The following KANSL1 variants were observed in gnomAD, a reference collection of about 807,000 sequenced individuals.
KANSL1 encodes MLL1/MLL complex subunit KANSL1.
In KANSL1, 22 loss-of-function variants were observed where a neutral mutation model predicts 103.6. The ratio of observed to expected loss-of-function variants is 0.21; its 90% CI spans 0.15 to 0.30. The LOEUF is 0.30. Among genes scored for constraint, KANSL1 ranks in the 10% least tolerant of loss-of-function variants. The pLI, the probability that KANSL1 is intolerant of heterozygous loss-of-function variation, is 1.00. For missense variants in KANSL1, 1,337 were observed against 1,399.8 expected (o/e 0.96, Z 0.72); for synonymous variants, 600 against 527.6 (o/e 1.14, Z -1.88).
At chr17:46,052,814 A>AT (rs1174081401) in intron 6 of KANSL1, among the ~76,000 whole-genome samples, 18 of 142,408 alleles carry the variant, frequency 1.3e-4, no homozygotes, top group Non-Finnish European at 2.2e-4. Flanking sequence ...AAAAAAAAAA[A>AT]TTTAGCCCAG....
At chr17:46,073,038 T>C (rs1460934294) in intron 4 of KANSL1, among the ~76,000 whole-genome samples, 1 of 152,230 alleles carries the variant, frequency 6.6e-6, no homozygotes, top group Non-Finnish European at 1.5e-5. Context: ...GGTCAAATAT[T>C]TCTTGGCCAA....
intron 2 of KANSL1, among the ~76,000 whole-genome samples, chr17:46,136,834 C>A (rs1425928568): frequency 6.6e-6 from 1 of 152,200 alleles, no homozygotes; most frequent in Non-Finnish European, 1.5e-5. Flanking sequence ...AATTTAACTG[C>A]CATTATGAAC....
chr17:46,169,497 A>G (rs929045526), intron 2 of KANSL1: 1 of 152,258 alleles, frequency 6.6e-6, no homozygotes, highest in African/African-American at 2.4e-5. Context: ...TAGCTGTCTC[A>G]ACAACCAAAC....
At chr17:46,184,573 C>T (rs956438884) in intron 1 of KANSL1, among the ~76,000 whole-genome samples, 3 of 152,162 alleles carry the variant, frequency 2.0e-5, no homozygotes, top group African/African-American at 7.2e-5. Context: ...TTACATTAGA[C>T]CTCATCTCCA....
chr17:46,089,057 C>T (rs2079274753), intron 3 of KANSL1, among the ~76,000 whole-genome samples: 1 of 152,212 alleles, frequency 6.6e-6, no homozygotes, highest in Non-Finnish European at 1.5e-5. Context: ...CTGCCTTTTA[C>T]AAGCCTCTGA....
At position 46,141,436 on chromosome 17, in the gene KANSL1, T is replaced by C. The variant is rs559866237; in HGVS notation, c.1289+29419A>G. Reference sequence around the variant, plus strand: ...GTCTACACATCTAAATCAACTTCACTGGGGGAGCATAGGGGCTGCTTAAGG... The same window carrying C: ...GTCTACACATCTAAATCAACTTCACCGGGGGAGCATAGGGGCTGCTTAAGG... On this transcript the variant is annotated intron_variant, in intron 2 of 14. Coordinates refer to ENST00000432791, the MANE Select transcript of KANSL1 (RefSeq NM_015443.4). 7.2e-5 allele frequency among the ~76,000 whole-genome samples: 11 copies of C among 152,340 alleles called. No individual in the cohort carries two copies. The East Asian group carries it at 2.1e-3, about 29-fold the overall frequency.
At chr17:46,115,655 A>C (rs1212592183) in intron 2 of KANSL1, among the ~76,000 whole-genome samples, 1 of 152,232 alleles carries the variant, frequency 6.6e-6, no homozygotes, top group Non-Finnish European at 1.5e-5. Flanking sequence ...TGAATGAAAA[A>C]CAGTTTATTT....
chr17:46,072,608 T>C (rs997186003), intron 4 of KANSL1, among the ~76,000 whole-genome samples: 2 of 152,134 alleles, frequency 1.3e-5, no homozygotes, highest in African/African-American at 4.8e-5. Context: ...CTATAAATAG[T>C]ATACTAGCCA....
rs1050631344 is a variant in KANSL1, at chr17:46,169,434, T to C, written c.1289+1421A>G. On this transcript the variant is annotated intron_variant, in intron 2 of 14. Transcript: ENST00000432791. The stretch of plus-strand genomic sequence containing the variant: ...AGTTTCATTTCAGATACAATATCCA[T>C]GCAGATAATATAAACAAAATTGGGA... 5 of 152,374 alleles carry C rather than the reference T, an allele frequency of 3.3e-5. No individual in the cohort carries two copies. In the East Asian group the frequency reaches 9.6e-4, roughly 29 times the overall value. The allele number at this position is 152,374 out of a possible 1,614,324, so 9.4% of individuals were successfully genotyped here. A position where few individuals can be genotyped will look rare whatever the true frequency, so the allele number is the denominator to read the frequency against.
At chr17:46,141,592 G>A (rs1385284472) in intron 2 of KANSL1, among the ~76,000 whole-genome samples, 1 of 152,200 alleles carries the variant, frequency 6.6e-6, no homozygotes, top group Admixed American at 6.5e-5. Context: ...AAGACAATCA[G>A]AGAGTGTATA....
intron 4 of KANSL1, among the ~76,000 whole-genome samples, chr17:46,079,998 A>G (rs1056476583): frequency 1.3e-5 from 2 of 151,918 alleles, no homozygotes; most frequent in Non-Finnish European, 2.9e-5. Flanking sequence ...AGAAAGAGAG[A>G]AAAAGAAGAG....
In KANSL1 at chr17:46,033,451, C is replaced by T; in HGVS notation, c.2676G>A (p.Glu892=). ...YKEILTPSWR[E]VDLQSLKGSP... ...TCCCCTTCAGAGACTGAAGATCAAC[C>T]TCCCGCCAGCTGCAAAACCAAGAAC... The change falls in exon 12 of 15, where the codon GAG becomes GAA. Residue 892 remains glutamate (E), a synonymous_variant. Coordinates refer to ENST00000432791, the MANE Select transcript of KANSL1 (RefSeq NM_015443.4). The T allele has an allele frequency of 1.9e-6, 3 of 1,614,170 alleles. No homozygotes were observed. The highest frequency in any genetic ancestry group is 2.5e-6 in the Non-Finnish European group (3 of 1,180,018).
intron 2 of KANSL1, among the ~76,000 whole-genome samples, chr17:46,144,883 C>T (rs993907713): frequency 2.2e-4 from 33 of 152,294 alleles, no homozygotes; most frequent in South Asian, 4.1e-4. Flanking sequence ...ATTTCTAACT[C>T]CCCAGATTAC....
intron 1 of KANSL1, among the ~76,000 whole-genome samples, chr17:46,183,932 A>G (rs2147855035): frequency 6.6e-6 from 1 of 152,294 alleles, no homozygotes; most frequent in East Asian, 1.9e-4. Context: ...AAAGAAAGAA[A>G]TGAGTAGAAT....
chr17:46,122,717 T>C (rs543106421), intron 2 of KANSL1, among the ~76,000 whole-genome samples: 5 of 152,388 alleles, frequency 3.3e-5, no homozygotes, highest in East Asian at 1.9e-4. Context: ...ATGTGACACA[T>C]TTGGGTAATT....
chr17:46,084,793 T>G (rs1260990597), intron 3 of KANSL1, among the ~76,000 whole-genome samples: 2 of 151,518 alleles, frequency 1.3e-5, no homozygotes, highest in Non-Finnish European at 2.9e-5. Flanking sequence ...AACCCTAGCC[T>G]TTAAAATGAG....
At position 46,111,975 on chromosome 17, in the gene KANSL1, A is replaced by G. The variant is rs1366743105; in HGVS notation, c.1290-17274T>C. Among the ~76,000 whole-genome samples, 9 of 152,356 alleles carry G rather than the reference A, an allele frequency of 5.9e-5. No individual in the cohort carries two copies. In the East Asian group the frequency reaches 1.5e-3, roughly 26 times the overall value. On this transcript the variant is annotated intron_variant, in intron 2 of 14. Transcript: ENST00000432791. ...CCACAGAAACGAGAGCACCAATACA[A>G]TAATGTTTACTATCAAGGTAACTGA...
rs539394861 is a variant in KANSL1 at position 46,143,417 on chromosome 17, C to A, written c.1289+27438G>T. 3.5e-4 allele frequency among the ~76,000 whole-genome samples: 53 copies of A among 152,212 alleles called. 1 individual carries two copies. The highest frequency in any genetic ancestry group is 1.2e-3 in the African/African-American group (50 of 41,492). ...GCTGAGGCAGGAAAATCGCTTGAACCCGCGAGACAGAGGTTGCAGTGAGCT... is the reference window on the plus strand; with the variant it reads ...GCTGAGGCAGGAAAATCGCTTGAACACGCGAGACAGAGGTTGCAGTGAGCT... On this transcript the variant is annotated intron_variant, in intron 2 of 14. Coordinates refer to ENST00000432791, the MANE Select transcript of KANSL1 (RefSeq NM_015443.4).
chr17:46,166,848 T>C (rs1224810259), intron 2 of KANSL1, among the ~76,000 whole-genome samples: 1 of 152,166 alleles, frequency 6.6e-6, no homozygotes, highest in Non-Finnish European at 1.5e-5. Context: ...AAACATACAA[T>C]TATTCTTGGC....
Sources: allele counts gnomAD v4.1 joint callset (sites outside exome capture counted in the v4.1 genomes callset), GRCh38; gene constraint gnomAD v4.1.1; transcripts MANE v1.5; gene names NCBI Gene and HGNC (gene_info 2026-07-23, HGNC 2026-07-21).